EPHA6: variants seen among roughly 807,000 people sequenced by gnomAD.
EPHA6 encodes EPH receptor A6.
Under a neutral mutation model 112.0 loss-of-function variants are expected in EPHA6, and 50 were observed. The observed-to-expected ratio is 0.45, with a 90% CI of 0.36 to 0.56. EPHA6 has a LOEUF of 0.56. Ranked by LOEUF, EPHA6 falls within the 20% of genes least tolerant of loss-of-function variation. The pLI, the probability that EPHA6 is intolerant of heterozygous loss-of-function variation, is 0.00. For missense variants in EPHA6, 1,280 were observed against 1,417.4 expected, an observed-to-expected ratio of 0.90 and a Z score of 1.56; for synonymous variants, 529 against 490.7, an observed-to-expected ratio of 1.08 and a Z score of -1.03.
At chr3:97,002,682 A>G (rs974466264) in intron 3 of EPHA6, among the ~76,000 whole-genome samples, 1 of 151,976 alleles carries the variant, frequency 6.6e-6, no homozygotes, top group Non-Finnish European at 1.5e-5. Flanking sequence ...TATATATACT[A>G]TGTTCTTGGA....
intron 11 of EPHA6, among the ~76,000 whole-genome samples, chr3:97,557,689 C>T (rs377329391): frequency 1.7e-4 from 26 of 151,666 alleles, no homozygotes; most frequent in East Asian, 3.9e-4. Flanking sequence ...TTATTTCTCT[C>T]CTGCCGAAAC....
At chr3:97,721,679 C>T (rs868234293) in intron 15 of EPHA6, among the ~76,000 whole-genome samples, 2 of 152,182 alleles carry the variant, frequency 1.3e-5, no homozygotes, top group Admixed American at 6.5e-5. Flanking sequence ...GCTCCACCCC[C>T]GCAACACTTA....
intron 3 of EPHA6, among the ~76,000 whole-genome samples, chr3:97,043,179 CTGTATTTCCTGA>C (rs1576378204): frequency 6.6e-6 from 1 of 152,056 alleles, no homozygotes; most frequent in East Asian, 1.9e-4. Flanking sequence ...GTCTTCCCTT[CTGTATTTCCTGA>C]ACCAAAGGAA....
At chr3:97,408,846 G>A (rs1266163195) in intron 6 of EPHA6, among the ~76,000 whole-genome samples, 1 of 151,932 alleles carries the variant, frequency 6.6e-6, no homozygotes, top group East Asian at 1.9e-4. Flanking sequence ...ATTTTGGAAG[G>A]ACATAAACAT....
At chr3:97,536,091 G>A (rs1449354055) in intron 11 of EPHA6, among the ~76,000 whole-genome samples, 1 of 152,064 alleles carries the variant, frequency 6.6e-6, no homozygotes, top group African/African-American at 2.4e-5. Context: ...ATAACCATAT[G>A]CTTAGTACAT....
In EPHA6 at chr3:97,373,937, C is replaced by T. The variant is rs116002139; in HGVS notation, c.1607-31213C>T. On this transcript the variant is annotated intron_variant, in intron 5 of 17. Coordinates refer to ENST00000389672, the MANE Select transcript of EPHA6 (RefSeq NM_001080448.3). Reference sequence around the variant, plus strand: ...ATTCTTATAACAAAAGAAAGTTCTACTTTAAAAAGGTGGTCTTTTGCTTTT... The same window carrying T: ...ATTCTTATAACAAAAGAAAGTTCTATTTTAAAAAGGTGGTCTTTTGCTTTT... 9.5e-3 allele frequency among the ~76,000 whole-genome samples: 1,438 copies of T among 152,134 alleles called. 19 individuals are homozygous for T. The highest frequency in any genetic ancestry group is 0.032 in the African/African-American group (1,337 of 41,508).
At chr3:97,537,602 G>T (rs144475562) in intron 11 of EPHA6, among the ~76,000 whole-genome samples, 58 of 152,092 alleles carry the variant, frequency 3.8e-4, no homozygotes, top group African/African-American at 1.3e-3. Context: ...TGTTTGAGAC[G>T]GAGTTTCACT....
At chr3:97,095,409 A>G (rs190755339) in intron 3 of EPHA6, among the ~76,000 whole-genome samples, 24 of 151,952 alleles carry the variant, frequency 1.6e-4, no homozygotes, top group African/African-American at 5.8e-4. Flanking sequence ...TATGTAACAA[A>G]CTGCACCTTG....
intron 2 of EPHA6, among the ~76,000 whole-genome samples, chr3:96,941,253 G>C (rs779529253): frequency 6.6e-6 from 1 of 152,114 alleles, no homozygotes; most frequent in Non-Finnish European, 1.5e-5. Flanking sequence ...TCGTAGATTT[G>C]TTCTTTTCAC....
chr3:97,389,721 G>A (rs1162962505), intron 5 of EPHA6, among the ~76,000 whole-genome samples: 1 of 152,036 alleles, frequency 6.6e-6, no homozygotes, highest in African/African-American at 2.4e-5. Flanking sequence ...ATGTGGCAAA[G>A]ATTTTCAATA....
Position 96,872,552 on chromosome 3 carries a change from A to G in EPHA6, c.450+5663A>G, listed in dbSNP as rs191084747. Among the ~76,000 whole-genome samples, 4 of 152,192 alleles carry G rather than the reference A, an allele frequency of 2.6e-5. No individual in the cohort carries two copies. The East Asian group carries it at 7.8e-4, about 30-fold the overall frequency. ...ACACATTCTCTGAATTTTGTTTGAGAAAGTCTTTATATCTTCTTCACTTTT... is the reference window on the plus strand; with the variant it reads ...ACACATTCTCTGAATTTTGTTTGAGGAAGTCTTTATATCTTCTTCACTTTT... On this transcript the variant is annotated intron_variant, in intron 2 of 17. Coordinates refer to ENST00000389672, the MANE Select transcript of EPHA6 (RefSeq NM_001080448.3).
At chr3:97,505,489 T>A (rs2092225961) in intron 10 of EPHA6, among the ~76,000 whole-genome samples, 2 of 152,164 alleles carry the variant, frequency 1.3e-5, no homozygotes, top group African/African-American at 4.8e-5. Context: ...GTTTCCAGCT[T>A]CATCCATGTC....
At chr3:97,123,676 C>T (rs2048104879) in intron 3 of EPHA6, among the ~76,000 whole-genome samples, 1 of 152,028 alleles carries the variant, frequency 6.6e-6, no homozygotes, top group Non-Finnish European at 1.5e-5. Flanking sequence ...GGTCAATAGA[C>T]CGTTGTGGAT....
intron 5 of EPHA6, among the ~76,000 whole-genome samples, chr3:97,275,435 G>A (rs1019315743): frequency 5.3e-5 from 8 of 152,124 alleles, no homozygotes; most frequent in Non-Finnish European, 8.8e-5. Flanking sequence ...GATGAAGGGT[G>A]GAAAGGGATA....
chr3:97,696,442 C>A (rs1181157283), intron 14 of EPHA6, among the ~76,000 whole-genome samples: 1 of 152,192 alleles, frequency 6.6e-6, no homozygotes, highest in Non-Finnish European at 1.5e-5. Context: ...ACATTCTGTA[C>A]CTTTTAGTGC....
At chr3:97,272,297 CGTGTGTGTGT>C (rs58790255) in intron 5 of EPHA6, among the ~76,000 whole-genome samples, 2,933 of 150,322 alleles carry the variant, frequency 0.02, 77 homozygotes, top group African/African-American at 0.065. Flanking sequence ...TATTCCATTT[CGTGTGTGTGT>C]GTGTGTGTGT....
intron 3 of EPHA6, among the ~76,000 whole-genome samples, chr3:97,136,809 G>T (rs1576551488): frequency 6.6e-6 from 1 of 152,160 alleles, no homozygotes. Context: ...GATCTTTAAA[G>T]TGTGATGGTT....
At chr3:97,019,948 G>A (rs551399801) in intron 3 of EPHA6, among the ~76,000 whole-genome samples, 7 of 151,916 alleles carry the variant, frequency 4.6e-5, no homozygotes, top group African/African-American at 1.2e-4. Context: ...ATGCTTTTTC[G>A]CATATAACTT....
intron 11 of EPHA6, among the ~76,000 whole-genome samples, chr3:97,546,664 C>T (rs1469452060): frequency 6.6e-6 from 1 of 152,150 alleles, no homozygotes; most frequent in Non-Finnish European, 1.5e-5. Context: ...GAGTGTTTTC[C>T]AACTTGGTTC....
Sources: gnomAD v4.1 joint callset for allele counts (sites outside exome capture counted in the v4.1 genomes callset) on GRCh38, gnomAD v4.1.1 for gene constraint, MANE v1.5 for transcripts, NCBI Gene and HGNC (gene_info 2026-07-23, HGNC 2026-07-21) for gene names.